Variants in TADA2A observed in about 807,000 individuals in gnomAD.
The protein encoded by TADA2A is transcriptional adapter 2-alpha.
Under a neutral mutation model 67.4 loss-of-function variants are expected in TADA2A, and 38 were observed. That is an observed-to-expected ratio of 0.56 (90% CI 0.44 to 0.74). The LOEUF (loss-of-function observed/expected upper bound fraction) is 0.74, where lower values mean the gene tolerates loss of function less well. Among genes scored for constraint, TADA2A ranks in the 30% least tolerant of loss-of-function variants. TADA2A has a pLI of 0.00. For missense variants in TADA2A, 454 were observed against 547.0 expected (o/e 0.83, Z 1.70); for synonymous variants, 192 against 181.6 (o/e 1.06, Z -0.46).
intron 8 of TADA2A, among the ~76,000 whole-genome samples, chr17:37,449,831 A>G (rs575456442): frequency 4.6e-5 from 7 of 152,258 alleles, no homozygotes; most frequent in Admixed American, 2.6e-4. Context: ...TATGTTGCTC[A>G]GGCTCAACCT....
chr17:37,475,029 T>C (rs2053864464), intron 15 of TADA2A, among the ~76,000 whole-genome samples: 1 of 152,216 alleles, frequency 6.6e-6, no homozygotes, highest in Admixed American at 6.5e-5. Context: ...AGTTCTATAC[T>C]TATTCCAACA....
intron 14 of TADA2A, among the ~76,000 whole-genome samples, chr17:37,473,127 ATTTTTTTTTTTT>A (rs1020173351): frequency 1.5e-3 from 131 of 85,696 alleles, no homozygotes; most frequent in African/African-American, 5.5e-3. Context: ...ACCTGGAGAA[ATTTTTTTTTTTT>A]TTTTTTTTTT....
At chr17:37,438,193 G>A (rs1483808508) in intron 5 of TADA2A, 2 of 168,538 alleles carry the variant, frequency 1.2e-5, no homozygotes, top group Admixed American at 6.2e-5. Context: ...TCATTTAAGT[G>A]AATCAGACTT....
chr17:37,476,664 A>T, intron 15 of TADA2A, 133 bp from the exon 16 acceptor site: 1 of 809,872 alleles, frequency 1.2e-6, no homozygotes. Context: ...AATGGAATGT[A>T]GTCCAGCCAC....
Position 37,477,796 on chromosome 17 carries a change from A to C in TADA2A, c.*814A>C, listed in dbSNP as rs919725941. On this transcript the variant is annotated 3_prime_UTR_variant, in exon 16 of 16. Transcript: ENST00000615182. ...ACAACTTTTATGAGTAAAGGGGAAG[A>C]AAATATCCTTATGATGGTCTTATCC... 1 of 152,090 alleles carries C rather than the reference A, an allele frequency of 6.6e-6. No individual in the cohort carries two copies. The highest frequency in any genetic ancestry group is 6.6e-5 in the Admixed American group (1 of 15,262). 9.4% of individuals were successfully genotyped at this position (152,090 alleles called of 1,614,324 possible). A position where few individuals can be genotyped will look rare whatever the true frequency, so the allele number is the denominator to read the frequency against.
Position 37,442,546 on chromosome 17 carries a change from C to G in TADA2A, c.443-18C>G. ...AATATTGTATTAGTTAACTCAGAAA[C>G]CTTCTAAATTCTTCCAGCTACAGAT... On this transcript the variant is annotated intron_variant, in intron 6 of 15. Coordinates refer to ENST00000615182, the MANE Select transcript of TADA2A (RefSeq NM_001166105.3). 1 of 1,604,460 alleles carries G rather than the reference C, an allele frequency of 6.2e-7. No individual in the cohort carries two copies. The highest frequency in any genetic ancestry group is 8.5e-7 in the Non-Finnish European group (1 of 1,172,680).
chr17:37,462,820 A>T (rs1244110028), intron 10 of TADA2A, among the ~76,000 whole-genome samples: 1 of 152,186 alleles, frequency 6.6e-6, no homozygotes, highest in African/African-American at 2.4e-5. Context: ...TCAGGTTGTA[A>T]AAATATTTTA....
At chr17:37,465,605 A>G (rs1481981039) in intron 11 of TADA2A, 64 bp downstream of exon 11, 1 of 1,601,854 alleles carries the variant, frequency 6.2e-7, no homozygotes, top group Non-Finnish European at 8.5e-7. Flanking sequence ...AGGAGAGATA[A>G]TGGTGTGTTT....
chr17:37,455,604 A>G (rs113573640), intron 8 of TADA2A, among the ~76,000 whole-genome samples: 19,236 of 152,022 alleles, frequency 0.13, 1,420 homozygotes, highest in East Asian at 0.25. Context: ...GATGGTCTTG[A>G]GCTCCTGACC....
chr17:37,448,989 A>G (rs1369594433), intron 8 of TADA2A, among the ~76,000 whole-genome samples: 1 of 151,040 alleles, frequency 6.6e-6, no homozygotes, highest in Non-Finnish European at 1.5e-5. Context: ...ACCTACTGGC[A>G]GTTCCTTTCA....
chr17:37,440,367 A>C (rs1597890745), intron 5 of TADA2A, 138 bp from the exon 6 acceptor site: 1 of 994,482 alleles, frequency 1.0e-6, no homozygotes, highest in African/African-American at 1.6e-5. Context: ...TTTTCTGCTG[A>C]TATCTTTTTG....
intron 8 of TADA2A, among the ~76,000 whole-genome samples, chr17:37,446,412 T>G (rs940408341): frequency 4.6e-5 from 7 of 152,086 alleles, no homozygotes; most frequent in East Asian, 3.9e-4. Context: ...AATGCCAGAC[T>G]ACTCTGCACA....
intron 1 of TADA2A, among the ~76,000 whole-genome samples, chr17:37,409,709 G>A (rs2051799184): frequency 6.6e-6 from 1 of 151,678 alleles, no homozygotes; most frequent in Non-Finnish European, 1.5e-5. Flanking sequence ...GGAAGTTGCA[G>A]TGAGCTGAGA....
chr17:37,434,915 C>A (rs938806748), intron 4 of TADA2A, among the ~76,000 whole-genome samples: 1 of 152,152 alleles, frequency 6.6e-6, no homozygotes, highest in African/African-American at 2.4e-5. Flanking sequence ...TGGAAGTTGA[C>A]TTCTGAATTT....
chr17:37,410,183 C>CT (rs2147891583), intron 1 of TADA2A, among the ~76,000 whole-genome samples: 1 of 151,898 alleles, frequency 6.6e-6, no homozygotes, highest in Admixed American at 6.6e-5. Context: ...CAGAGCCAGA[C>CT]TGTGTCTCCA....
intron 9 of TADA2A, 58 bp downstream of exon 9, chr17:37,458,645 G>A: frequency 1.0e-6 from 1 of 962,806 alleles, no homozygotes; most frequent in Middle Eastern, 3.3e-4. Context: ...TTTTGTGTGT[G>A]TGTGTGTGTG....
chr17:37,419,595 A>G (rs2052165440), intron 2 of TADA2A, among the ~76,000 whole-genome samples: 1 of 146,462 alleles, frequency 6.8e-6, no homozygotes, highest in Non-Finnish European at 1.5e-5. Context: ...CCTGGGCAAC[A>G]TGGGAAAACC....
intron 8 of TADA2A, among the ~76,000 whole-genome samples, chr17:37,451,605 A>G (rs2053235737): frequency 6.6e-6 from 1 of 152,064 alleles, no homozygotes; most frequent in Non-Finnish European, 1.5e-5. Flanking sequence ...TACAGGTGTG[A>G]GCCACCATGC....
chr17:37,435,938 A>G (rs1196166488), intron 4 of TADA2A, among the ~76,000 whole-genome samples: 1 of 150,418 alleles, frequency 6.6e-6, no homozygotes, highest in Non-Finnish European at 1.5e-5. Flanking sequence ...TGGTCTCAAA[A>G]CTCCTGAGCC....
Sources: allele counts gnomAD v4.1 joint callset (sites outside exome capture counted in the v4.1 genomes callset), GRCh38; gene constraint gnomAD v4.1.1; transcripts MANE v1.5; gene names NCBI Gene and HGNC (gene_info 2026-07-23, HGNC 2026-07-21).